GRID2: variants seen among roughly 807,000 people sequenced by gnomAD.
The protein encoded by GRID2 is glutamate receptor ionotropic, delta-2.
In GRID2, 33 loss-of-function variants were observed where a neutral mutation model predicts 114.8. That is an observed-to-expected ratio of 0.29 (90% CI 0.22 to 0.38). GRID2 has a LOEUF of 0.38. GRID2 is among the 10% of genes least tolerant of loss of function. The probability of loss-of-function intolerance (pLI) is 1.00; values close to 1 mark genes in which losing one functional copy is unlikely to be tolerated. For synonymous variants in GRID2, 505 were observed against 449.9 expected (o/e 1.12, Z -1.55); for missense variants, 1,184 against 1,257.7 (o/e 0.94, Z 0.89).
At chr4:92,551,871 G>A (rs1726608537) in intron 1 of GRID2, among the ~76,000 whole-genome samples, 1 of 152,052 alleles carries the variant, frequency 6.6e-6, no homozygotes, top group Non-Finnish European at 1.5e-5. Flanking sequence ...TATGAGTAAT[G>A]CATTTTAAGT....
intron 13 of GRID2, among the ~76,000 whole-genome samples, chr4:93,583,462 T>C (rs1737191236): frequency 6.6e-6 from 1 of 152,096 alleles, no homozygotes; most frequent in East Asian, 1.9e-4. Flanking sequence ...CAATGCTAAA[T>C]GATAATGAGA....
At chr4:92,781,006 G>T (rs1739048201) in intron 2 of GRID2, among the ~76,000 whole-genome samples, 1 of 151,978 alleles carries the variant, frequency 6.6e-6, no homozygotes. Flanking sequence ...CAGCACTTTG[G>T]GAGGCCAAGG....
intron 4 of GRID2, among the ~76,000 whole-genome samples, chr4:93,171,989 G>T (rs1738872401): frequency 6.6e-6 from 1 of 152,106 alleles, no homozygotes. Context: ...TTATATCCCA[G>T]TGATTTTCCT....
At chr4:93,317,231 T>A (rs1385174512) in intron 8 of GRID2, among the ~76,000 whole-genome samples, 1 of 152,082 alleles carries the variant, frequency 6.6e-6, no homozygotes, top group Non-Finnish European at 1.5e-5. Flanking sequence ...TCAGATCGGG[T>A]TACCTGAATG....
At chr4:93,699,418 A>G (rs1727317933) in intron 14 of GRID2, among the ~76,000 whole-genome samples, 1 of 152,134 alleles carries the variant, frequency 6.6e-6, no homozygotes, top group Admixed American at 6.6e-5. Context: ...GTATTAAGAC[A>G]CTGAAAGGGT....
intron 2 of GRID2, among the ~76,000 whole-genome samples, chr4:92,890,238 G>A (rs779476334): frequency 1.3e-5 from 2 of 151,998 alleles, no homozygotes; most frequent in Non-Finnish European, 2.9e-5. Context: ...ATCTGAAGCA[G>A]TTGCAACAAA....
chr4:93,299,850 A>G (rs2149165121), intron 8 of GRID2, among the ~76,000 whole-genome samples: 1 of 152,228 alleles, frequency 6.6e-6, no homozygotes, highest in Middle Eastern at 3.4e-3. Context: ...CCAGATATTT[A>G]AGGCATAAGA....
chr4:92,529,645 T>C (rs1038263689), intron 1 of GRID2, among the ~76,000 whole-genome samples: 1 of 152,224 alleles, frequency 6.6e-6, no homozygotes, highest in African/African-American at 2.4e-5. Context: ...TAAGCAGGGA[T>C]TGGGTTGTGA....
At chr4:93,545,609 C>G (rs192519309) in intron 13 of GRID2, among the ~76,000 whole-genome samples, 1 of 152,298 alleles carries the variant, frequency 6.6e-6, no homozygotes, top group East Asian at 1.9e-4. Context: ...TACCACCTGT[C>G]CATGGGAGCC....
intron 9 of GRID2, among the ~76,000 whole-genome samples, chr4:93,398,757 T>TC (rs1765599463): frequency 6.6e-6 from 1 of 151,602 alleles, no homozygotes; most frequent in East Asian, 1.9e-4. Context: ...GTGTTTTTTT[T>TC]TTTTTTTTTC....
At chr4:92,966,475 A>G (rs144427234) in intron 2 of GRID2, among the ~76,000 whole-genome samples, 147 of 152,068 alleles carry the variant, frequency 9.7e-4, no homozygotes, top group Middle Eastern at 3.4e-3. Flanking sequence ...GCTCTGATAT[A>G]GCTTGGCTGT....
intron 14 of GRID2, among the ~76,000 whole-genome samples, chr4:93,690,073 C>T (rs1578578833): frequency 6.6e-6 from 1 of 152,030 alleles, no homozygotes; most frequent in Middle Eastern, 3.4e-3. Flanking sequence ...CCTTTTAATG[C>T]TATAGGATAA....
intron 13 of GRID2, among the ~76,000 whole-genome samples, chr4:93,616,802 C>G (rs780083308): frequency 1.3e-5 from 2 of 151,326 alleles, no homozygotes; most frequent in Non-Finnish European, 2.9e-5. Context: ...ACCATCCTGG[C>G]TAACATAGTG....
chr4:93,741,215 A>ATATATATATATATATATT (rs1731390943), intron 14 of GRID2, among the ~76,000 whole-genome samples: 1 of 132,812 alleles, frequency 7.5e-6, no homozygotes, highest in East Asian at 2.1e-4. Flanking sequence ...ATATATATAT[A>ATATATATATATATATATT]TTCTCAGACT....
intron 2 of GRID2, among the ~76,000 whole-genome samples, chr4:92,948,041 T>A (rs967390741): frequency 2.6e-5 from 4 of 151,856 alleles, no homozygotes; most frequent in Non-Finnish European, 4.4e-5. Context: ...TTTAAAAAAA[T>A]TTGTTTTCTA....
chr4:92,821,167 T>G (rs1741256728), intron 2 of GRID2, among the ~76,000 whole-genome samples: 1 of 152,172 alleles, frequency 6.6e-6, no homozygotes, highest in South Asian at 2.1e-4. Context: ...CAACATAATT[T>G]AGGCCAGATA....
At chr4:92,616,128 A>T (rs1190163014) in intron 2 of GRID2, among the ~76,000 whole-genome samples, 1 of 151,618 alleles carries the variant, frequency 6.6e-6, no homozygotes, top group East Asian at 1.9e-4. Flanking sequence ...TTCCTTTCAG[A>T]ATGAGTGCTG....
chr4:93,245,860 T>A (rs547302649), intron 8 of GRID2, among the ~76,000 whole-genome samples: 2 of 152,316 alleles, frequency 1.3e-5, no homozygotes, highest in East Asian at 3.9e-4. Flanking sequence ...ATTAAAATAA[T>A]ACCTGTTCAG....
At chr4:93,197,384 G>A (rs1741601153) in intron 4 of GRID2, among the ~76,000 whole-genome samples, 2 of 152,066 alleles carry the variant, frequency 1.3e-5, no homozygotes, top group Admixed American at 6.6e-5. Flanking sequence ...TATTTAAAAT[G>A]CACATAGTTG....
Sources: gnomAD v4.1 joint callset for allele counts (sites outside exome capture counted in the v4.1 genomes callset) on GRCh38, gnomAD v4.1.1 for gene constraint, MANE v1.5 for transcripts, NCBI Gene and HGNC (gene_info 2026-07-23, HGNC 2026-07-21) for gene names.